PDE4B: variants seen among roughly 807,000 people sequenced by gnomAD.
The protein encoded by PDE4B is phosphodiesterase 4B.
PDE4B carries 20 observed loss-of-function variants against 82.2 expected under a neutral mutation model. The observed-to-expected ratio is 0.24, with a 90% CI of 0.17 to 0.35. The LOEUF is 0.35. Ranked by LOEUF, PDE4B falls within the 10% of genes least tolerant of loss-of-function variation. The pLI is 1.00. For synonymous variants in PDE4B, 320 were observed against 318.9 expected, an observed-to-expected ratio of 1.00 and a Z score of -0.04; for missense variants, 655 against 907.2, an observed-to-expected ratio of 0.72 and a Z score of 3.57.
chr1:66,257,023 T>C (rs1654284143), intron 4 of PDE4B, among the ~76,000 whole-genome samples: 1 of 152,230 alleles, frequency 6.6e-6, no homozygotes, highest in African/African-American at 2.4e-5. Flanking sequence ...TAACACTAGG[T>C]ACAGCTTAAT....
chr1:66,187,964 G>A (rs1219229908), intron 3 of PDE4B, among the ~76,000 whole-genome samples: 2 of 149,230 alleles, frequency 1.3e-5, no homozygotes, highest in Admixed American at 6.8e-5. Context: ...TTTCTCTTGT[G>A]GGCATTTAGT....
intron 3 of PDE4B, among the ~76,000 whole-genome samples, chr1:66,119,432 G>A (rs1645663494): frequency 6.6e-6 from 1 of 152,192 alleles, no homozygotes; most frequent in South Asian, 2.1e-4. Flanking sequence ...CAACATGTAT[G>A]GGTAATGGAG....
At chr1:66,223,473 T>C (rs1651168659) in intron 3 of PDE4B, among the ~76,000 whole-genome samples, 1 of 152,222 alleles carries the variant, frequency 6.6e-6, no homozygotes. Flanking sequence ...ATAATCATTT[T>C]AGTATTTTGC....
chr1:66,223,938 C>G (rs1290214920), intron 3 of PDE4B, among the ~76,000 whole-genome samples: 1 of 152,154 alleles, frequency 6.6e-6, no homozygotes, highest in Non-Finnish European at 1.5e-5. Context: ...TTTGTGATAA[C>G]TTCTACGTGC....
chr1:66,119,360 G>A (rs1028442357), intron 3 of PDE4B, among the ~76,000 whole-genome samples: 4 of 152,150 alleles, frequency 2.6e-5, no homozygotes, highest in Non-Finnish European at 5.9e-5. Context: ...AATCAGGTAG[G>A]GCCTGACCTT....
chr1:66,061,798 C>T (rs527407304), intron 3 of PDE4B, among the ~76,000 whole-genome samples: 1 of 152,074 alleles, frequency 6.6e-6, no homozygotes, highest in African/African-American at 2.4e-5. Context: ...GGACAAATAC[C>T]TAATGCATGA....
intron 1 of PDE4B, among the ~76,000 whole-genome samples, chr1:65,871,639 C>G (rs1393433288): frequency 6.6e-6 from 1 of 152,204 alleles, no homozygotes; most frequent in Non-Finnish European, 1.5e-5. Flanking sequence ...AAGAAGACTT[C>G]AGTTGCCTGA....
At chr1:66,010,338 G>T (rs1338377517) in intron 3 of PDE4B, among the ~76,000 whole-genome samples, 6 of 151,424 alleles carry the variant, frequency 4.0e-5, no homozygotes, top group Admixed American at 3.9e-4. Flanking sequence ...TTTAATAAGA[G>T]ATTATTTTCT....
intron 1 of PDE4B, among the ~76,000 whole-genome samples, chr1:65,904,403 A>G (rs565777538): frequency 6.6e-6 from 1 of 152,274 alleles, no homozygotes; most frequent in Admixed American, 6.5e-5. Flanking sequence ...TATGCTTTTT[A>G]AGTTATGTTT....
intron 3 of PDE4B, among the ~76,000 whole-genome samples, chr1:66,195,359 A>T (rs1172702799): frequency 1.3e-5 from 2 of 152,144 alleles, no homozygotes; most frequent in African/African-American, 4.8e-5. Context: ...GGTTTAAATA[A>T]CATTGCTTCA....
intron 3 of PDE4B, among the ~76,000 whole-genome samples, chr1:66,131,639 T>TATATATA (rs1645953170): frequency 3.6e-5 from 1 of 27,960 alleles, no homozygotes; most frequent in Non-Finnish European, 1.1e-4. Context: ...ATATATATAT[T>TATATATA]ACTAACCAGG....
In PDE4B at chr1:66,056,513, TATCTATCTATCTATCTATC is replaced by T. The variant is rs985345023; in HGVS notation, c.281+137698_281+137716del. On this transcript the variant is annotated intron_variant, in intron 3 of 16. Transcript: ENST00000341517. Reference sequence around the variant, plus strand: ...CTATCTATCTATCTATCTATCTATCTATCTATCTATCTATCTATCATCTATCTATCTATCTATCTATCTA... The same window carrying T: ...CTATCTATCTATCTATCTATCTATCTATCTATCTATCTATCTATCTATCTA... Among the ~76,000 whole-genome samples the T allele has an allele frequency of 3.8e-4, 28 of 73,578 alleles. No homozygotes were observed. In the South Asian group the frequency reaches 0.011, roughly 30 times the overall value. 48.3% of individuals were successfully genotyped at this position (73,578 alleles called of 152,430 possible).
intron 7 of PDE4B, among the ~76,000 whole-genome samples, chr1:66,282,239 A>T (rs1291016905): frequency 1.3e-5 from 2 of 152,108 alleles, no homozygotes; most frequent in African/African-American, 4.8e-5. Context: ...GTTTTCCCTC[A>T]TGGGAATAAC....
chr1:66,213,580 T>G (rs1650229263), intron 3 of PDE4B, among the ~76,000 whole-genome samples: 1 of 152,178 alleles, frequency 6.6e-6, no homozygotes, highest in African/African-American at 2.4e-5. Context: ...TTTTTTTACT[T>G]TTAGGATTTC....
chr1:66,368,092 C>T (rs770759604), intron 15 of PDE4B, 27 bp downstream of exon 15: 1 of 1,608,802 alleles, frequency 6.2e-7, no homozygotes, highest in Non-Finnish European at 8.5e-7. Context: ...TTTGATTTAA[C>T]ACAAAACCAA....
chr1:66,291,359 A>AACAAGTACAGTATAATGGCAAATCAGCC, intron 7 of PDE4B, among the ~76,000 whole-genome samples: 1 of 152,174 alleles, frequency 6.6e-6, no homozygotes, highest in Non-Finnish European at 1.5e-5. Context: ...AGGCTCTTTT[A>AACAAGTACAGTATAATGGCAAATCAGCC]ACAAGTACAG....
intron 3 of PDE4B, among the ~76,000 whole-genome samples, chr1:66,229,639 G>A (rs773347262): frequency 3.3e-5 from 5 of 152,078 alleles, no homozygotes; most frequent in Admixed American, 6.5e-5. Flanking sequence ...CAGATTTTGA[G>A]GAATTACATT....
At chr1:66,265,964 G>T in intron 6 of PDE4B, 74 bp from the exon 7 acceptor site, 1 of 1,060,460 alleles carries the variant, frequency 9.4e-7, no homozygotes, top group East Asian at 2.4e-5. Flanking sequence ...CAGTAACCAT[G>T]AGGGTGGGGT....
chr1:66,185,357 G>A (rs959552145), intron 3 of PDE4B, among the ~76,000 whole-genome samples: 1 of 152,220 alleles, frequency 6.6e-6, no homozygotes, highest in African/African-American at 2.4e-5. Context: ...TATATACCCA[G>A]TAATGGGATT....
Sources: allele counts gnomAD v4.1 joint callset (sites outside exome capture counted in the v4.1 genomes callset), GRCh38; gene constraint gnomAD v4.1.1; transcripts MANE v1.5; gene names NCBI Gene and HGNC (gene_info 2026-07-23, HGNC 2026-07-21).